CREB5: variants seen among roughly 807,000 people sequenced by gnomAD.
CREB5 encodes the protein cyclic AMP-responsive element-binding protein 5.
A neutral mutation model predicts 57.1 loss-of-function variants in CREB5; 19 were observed. The ratio of observed to expected loss-of-function variants is 0.33; its 90% CI spans 0.23 to 0.49. The LOEUF (loss-of-function observed/expected upper bound fraction) is 0.49. Among genes scored for constraint, CREB5 ranks in the 20% least tolerant of loss-of-function variants. CREB5 has a pLI of 0.99. For synonymous variants in CREB5, 238 were observed against 238.3 expected (o/e 1.00, Z 0.01); for missense variants, 579 against 671.6 (o/e 0.86, Z 1.52).
intron 4 of CREB5, among the ~76,000 whole-genome samples, chr7:28,565,565 T>G (rs577469340): frequency 6.6e-6 from 1 of 152,344 alleles, no homozygotes; most frequent in Non-Finnish European, 1.5e-5. Context: ...TCTACCATCG[T>G]GCCTGCTTCA....
chr7:28,417,807 A>G (rs1788086408), intron 1 of CREB5, among the ~76,000 whole-genome samples: 1 of 152,262 alleles, frequency 6.6e-6, no homozygotes, highest in Non-Finnish European at 1.5e-5. Flanking sequence ...ACCCTGCAAC[A>G]CATATTTAAG....
intron 7 of CREB5, among the ~76,000 whole-genome samples, chr7:28,789,410 TCCCC>T (rs1807531692): frequency 6.6e-6 from 1 of 152,138 alleles, no homozygotes; most frequent in Non-Finnish European, 1.5e-5. Context: ...TATCTTTCAG[TCCCC>T]TCTCCCCATC....
chr7:28,689,909 GGTGT>G lies in CREB5; in HGVS notation c.465-28809_465-28806del, dbSNP rs34310030. The stretch of plus-strand genomic sequence containing the variant: ...GAATTCTCCCATTTTACTTGTATTT[GGTGT>G]GTGTGTGTGTGTGTGTGTGTGTGTG... On this transcript the variant is annotated intron_variant, in intron 5 of 10. Transcript: ENST00000357727. Among the ~76,000 whole-genome samples, 599 of 141,660 alleles carry G rather than the reference GGTGT, an allele frequency of 4.2e-3. 4 individuals are homozygous for G. The highest frequency in any genetic ancestry group is 0.023 in the East Asian group (108 of 4,620). The allele number at this position is 141,660 out of a possible 152,430, so 92.9% of individuals were successfully genotyped here.
intron 7 of CREB5, among the ~76,000 whole-genome samples, chr7:28,790,009 A>C (rs866363416): frequency 3.9e-5 from 6 of 152,330 alleles, no homozygotes; most frequent in Admixed American, 6.5e-5. Flanking sequence ...TGAATTTAAG[A>C]TTTTTGAATG....
At chr7:28,684,820 A>C (rs947362022) in intron 5 of CREB5, among the ~76,000 whole-genome samples, 1 of 152,126 alleles carries the variant, frequency 6.6e-6, no homozygotes, top group Non-Finnish European at 1.5e-5. Flanking sequence ...TCCCATTTTC[A>C]TGTTACTTTT....
chr7:28,321,220 CT>C (rs928300030), intron 1 of CREB5, among the ~76,000 whole-genome samples: 2 of 151,662 alleles, frequency 1.3e-5, no homozygotes, highest in Admixed American at 6.6e-5. Flanking sequence ...TCTTCATCCT[CT>C]TTTTTTTTGT....
chr7:28,329,360 A>G (rs1470901781), intron 1 of CREB5, among the ~76,000 whole-genome samples: 1 of 152,194 alleles, frequency 6.6e-6, no homozygotes, highest in Non-Finnish European at 1.5e-5. Flanking sequence ...CATTTCCAGA[A>G]ATTTCTAGAG....
intron 5 of CREB5, among the ~76,000 whole-genome samples, chr7:28,621,315 G>A (rs1055807200): frequency 6.6e-6 from 1 of 152,086 alleles, no homozygotes; most frequent in Non-Finnish European, 1.5e-5. Flanking sequence ...GAAAGTTTGG[G>A]TTATGATAGT....
intron 5 of CREB5, among the ~76,000 whole-genome samples, chr7:28,642,034 A>T (rs1024634773): frequency 2.0e-5 from 3 of 152,208 alleles, no homozygotes; most frequent in African/African-American, 4.8e-5. Context: ...GATCTCCCAC[A>T]AATACCTGGG....
intron 1 of CREB5, among the ~76,000 whole-genome samples, chr7:28,471,530 C>G (rs1790806386): frequency 6.6e-6 from 1 of 152,154 alleles, no homozygotes; most frequent in Non-Finnish European, 1.5e-5. Flanking sequence ...TACTCTAAAA[C>G]ACTACACAGT....
chr7:28,422,869 A>G (rs1206308394), intron 1 of CREB5, among the ~76,000 whole-genome samples: 1 of 152,216 alleles, frequency 6.6e-6, no homozygotes, highest in Admixed American at 6.5e-5. Flanking sequence ...CCACTGATTA[A>G]TAACACCTTA....
chr7:28,320,122 G>A (rs141037899), intron 1 of CREB5, among the ~76,000 whole-genome samples: 1 of 151,670 alleles, frequency 6.6e-6, no homozygotes, highest in Admixed American at 6.6e-5. Flanking sequence ...GTAGAGACGG[G>A]GTTTCGCCAT....
At chr7:28,704,886 C>T (rs1802030726) in intron 5 of CREB5, among the ~76,000 whole-genome samples, 1 of 152,170 alleles carries the variant, frequency 6.6e-6, no homozygotes. Flanking sequence ...ACTGAGGACA[C>T]AGCCCTAGAT....
chr7:28,583,501 A>G (rs999339949), intron 5 of CREB5, among the ~76,000 whole-genome samples: 4 of 152,182 alleles, frequency 2.6e-5, no homozygotes, highest in Non-Finnish European at 5.9e-5. Context: ...TCAATCTCTC[A>G]GGAAAGGGTA....
At chr7:28,371,079 G>A (rs1402133348) in intron 1 of CREB5, among the ~76,000 whole-genome samples, 1 of 152,192 alleles carries the variant, frequency 6.6e-6, no homozygotes, top group Non-Finnish European at 1.5e-5. Context: ...CAGCAAGTAA[G>A]GATGAGCAAA....
intron 1 of CREB5, among the ~76,000 whole-genome samples, chr7:28,338,775 T>G (rs913200847): frequency 1.3e-5 from 2 of 152,120 alleles, no homozygotes; most frequent in Non-Finnish European, 2.9e-5. Context: ...TGAGGTTATT[T>G]TCTCGATCTG....
chr7:28,790,051 C>G (rs1047040267), intron 7 of CREB5, among the ~76,000 whole-genome samples: 1 of 152,146 alleles, frequency 6.6e-6, no homozygotes, highest in African/African-American at 2.4e-5. Flanking sequence ...TGCATTTTCT[C>G]TTGTTGGAAA....
rs187454598 is a variant in CREB5, at chr7:28,709,487, T to C, written c.465-9266T>C. Among the ~76,000 whole-genome samples, 12 of 152,284 alleles carry C rather than the reference T, an allele frequency of 7.9e-5. No individual in the cohort carries two copies. The East Asian group carries it at 1.4e-3, about 17-fold the overall frequency. Reference sequence around the variant, plus strand: ...GTTTGCTTTAATAGTCTTAACAGAATGATCATAAATTCGGATCTCCCCTCC... The same window carrying C: ...GTTTGCTTTAATAGTCTTAACAGAACGATCATAAATTCGGATCTCCCCTCC... On this transcript the variant is annotated intron_variant, in intron 5 of 10. Coordinates refer to ENST00000357727, the MANE Select transcript of CREB5 (RefSeq NM_182898.4).
chr7:28,642,995 C>CACACAT (rs1798737711), intron 5 of CREB5, among the ~76,000 whole-genome samples: 7 of 92,214 alleles, frequency 7.6e-5, no homozygotes, highest in Admixed American at 9.6e-5. Context: ...CATACACACA[C>CACACAT]ACACACACAC....
Sources: gnomAD v4.1 joint callset for allele counts (sites outside exome capture counted in the v4.1 genomes callset) on GRCh38, gnomAD v4.1.1 for gene constraint, MANE v1.5 for transcripts, NCBI Gene and HGNC (gene_info 2026-07-23, HGNC 2026-07-21) for gene names.